MAP3K4: variants seen among roughly 807,000 people sequenced by gnomAD.
The protein encoded by MAP3K4 is mitogen-activated protein kinase kinase kinase 4, also known as MAP three kinase 1.
MAP3K4 carries 67 observed loss-of-function variants against 185.6 expected under a neutral mutation model. The observed-to-expected ratio is 0.36, with a 90% CI of 0.30 to 0.44. The LOEUF (loss-of-function observed/expected upper bound fraction) is 0.44. Ranked by LOEUF, MAP3K4 falls within the 20% of genes least tolerant of loss-of-function variation. The probability of loss-of-function intolerance (pLI) is 1.00; values close to 1 mark genes in which losing one functional copy is unlikely to be tolerated. For missense variants in MAP3K4, 1,551 were observed against 1,995.1 expected (o/e 0.78, Z 4.24); for synonymous variants, 702 against 710.4 (o/e 0.99, Z 0.19).
intron 6 of MAP3K4, among the ~76,000 whole-genome samples, chr6:161,083,225 C>T (rs926549070): frequency 1.3e-5 from 2 of 152,196 alleles, no homozygotes; most frequent in Admixed American, 1.3e-4. Context: ...ATGGAAATTC[C>T]TACCCACAAC....
rs1785908490 is a variant in MAP3K4, at chr6:161,089,347, T to C, written c.2849T>C (p.Met950Thr). Residue 950 changes from methionine (M) to threonine (T), a missense_variant, in exon 11 of 27, where the codon ATG becomes ACG. Around this residue, in one of 16 missense-constraint regions of MAP3K4, gnomAD observed 261 missense variants for 306.5 expected, o/e 0.85. Coordinates refer to ENST00000392142, the MANE Select transcript of MAP3K4 (RefSeq NM_005922.4). ...GTGGATAATCTTTTACTAGTTGTCA[T>C]GCAGTCTGCGCATCTCACAATTCAG... ...MQVDNLLLVV[M>T]QSAHLTIQRK... 1.2e-6 allele frequency: 2 copies of C among 1,614,118 alleles called. No homozygotes were observed. The highest frequency in any genetic ancestry group is 1.7e-6 in the Non-Finnish European group (2 of 1,180,032).
chr6:161,106,644 T>C lies in MAP3K4; in HGVS notation c.3987T>C (p.Asp1329=), dbSNP rs763522135. Residue 1329 remains aspartate, a synonymous_variant, in exon 20 of 27, where the codon GAT becomes GAC. Coordinates refer to ENST00000392142, the MANE Select transcript of MAP3K4 (RefSeq NM_005922.4). This position sits in a 1 kb window ranked among gnomAD's most constrained non-coding sequence, Gnocchi z 4.9. ...GQVCDTPKSY[D]NVMHVGLRKV... ...TTTGTGATACGCCTAAGTCCTATGA[T>C]AATGTTATGCACGTTGGCTTGAGGA... The C allele has an allele frequency of 1.2e-5, 20 of 1,613,800 alleles. No homozygotes were observed.
intron 2 of MAP3K4, among the ~76,000 whole-genome samples, chr6:161,045,317 A>G (rs1262413007): frequency 6.6e-6 from 1 of 152,094 alleles, no homozygotes; most frequent in Non-Finnish European, 1.5e-5. Flanking sequence ...ATATTAAACC[A>G]TTGCTTTATC....
At chr6:161,001,633 C>T (rs964381569) in intron 1 of MAP3K4, among the ~76,000 whole-genome samples, 2 of 152,156 alleles carry the variant, frequency 1.3e-5, no homozygotes, top group Non-Finnish European at 2.9e-5. Context: ...GGCTCGTTGC[C>T]TAACAGCAGG....
intron 1 of MAP3K4, among the ~76,000 whole-genome samples, chr6:161,026,958 T>G (rs911629819): frequency 6.6e-6 from 1 of 152,134 alleles, no homozygotes; most frequent in Non-Finnish European, 1.5e-5. Context: ...TTCGTCTCTT[T>G]ATATATATTT....
chr6:161,002,010 C>A (rs548259259), intron 1 of MAP3K4, among the ~76,000 whole-genome samples: 1 of 147,134 alleles, frequency 6.8e-6, no homozygotes, highest in South Asian at 2.1e-4. Context: ...AGAAACATTT[C>A]CCCCCCAACG....
chr6:161,089,525 G>A, intron 11 of MAP3K4, 54 bp downstream of exon 11: 1 of 1,597,420 alleles, frequency 6.3e-7, no homozygotes, highest in Non-Finnish European at 8.5e-7. Context: ...ATGAAAGTCA[G>A]TGTGTGGTAA....
At position 161,036,189 on chromosome 6, in the gene MAP3K4, A is replaced by T. The variant is rs975013349; in HGVS notation, c.343+1740A>T. Among the ~76,000 whole-genome samples the T allele has an allele frequency of 4.5e-4, 69 of 152,114 alleles. 2 individuals carry two copies. Among genetic ancestry groups the T allele is most frequent in the Non-Finnish European group, 1.5e-5 (1 of 68,024 alleles). On this transcript the variant is annotated intron_variant, in intron 2 of 26. Coordinates refer to ENST00000392142, the MANE Select transcript of MAP3K4 (RefSeq NM_005922.4). ...TGGCCCTTTTCTTCCACAATTTTTA[A>T]AATTGTTTATTTTATGAAATTATAG...
chr6:161,056,023 T>C lies in MAP3K4; in HGVS notation c.1707+6044T>C, dbSNP rs562592557. 6.6e-6 allele frequency among the ~76,000 whole-genome samples: 1 copy of C among 152,352 alleles called. No individual in the cohort carries two copies. The highest frequency in any genetic ancestry group is 2.1e-4 in the South Asian group (1 of 4,828). Reference sequence around the variant, plus strand: ...TCAGTATGGACTCATAAATGTTTGCTGTTGTTTTTACTTTGAATTATAATC... The same window carrying C: ...TCAGTATGGACTCATAAATGTTTGCCGTTGTTTTTACTTTGAATTATAATC... On this transcript the variant is annotated intron_variant, in intron 3 of 26. Coordinates refer to ENST00000392142, the MANE Select transcript of MAP3K4 (RefSeq NM_005922.4). The surrounding 1 kb of genome is among the most constrained non-coding windows in gnomAD (Gnocchi z 5.4).
chr6:161,003,773 CAATT>C (rs1409247731), intron 1 of MAP3K4, among the ~76,000 whole-genome samples: 2 of 152,018 alleles, frequency 1.3e-5, no homozygotes, highest in Non-Finnish European at 2.9e-5. Context: ...AAGAATAAAG[CAATT>C]AATAAGGATA....
chr6:161,045,233 G>A (rs144388135), intron 2 of MAP3K4, among the ~76,000 whole-genome samples: 2 of 151,582 alleles, frequency 1.3e-5, no homozygotes, highest in Non-Finnish European at 2.9e-5. Context: ...GGGTGGGGGG[G>A]AACAAAAAGC....
At position 161,109,643 on chromosome 6, in the gene MAP3K4, C is replaced by T. The variant is rs889880421; in HGVS notation, c.4237-112C>T. ...GCTCAGGATGGCAAGTGTAGTATAC[C>T]GTTAGAAAGAACATTCCTTTGGGGT... is the stretch of plus-strand genomic sequence containing the variant. On this transcript the variant is annotated intron_variant, in intron 22 of 26. Transcript: ENST00000392142. The surrounding 1 kb of genome is among the most constrained non-coding windows in gnomAD (Gnocchi z 5.7). 6.6e-5 allele frequency: 70 copies of T among 1,062,660 alleles called. No homozygotes were observed. Among genetic ancestry groups the T allele is most frequent in the Non-Finnish European group, 9.6e-5 (68 of 709,488 alleles). 65.8% of individuals were successfully genotyped at this position (1,062,660 alleles called of 1,614,324 possible).
chr6:161,020,309 C>G (rs555610347), intron 1 of MAP3K4, among the ~76,000 whole-genome samples: 4 of 152,114 alleles, frequency 2.6e-5, no homozygotes, highest in Non-Finnish European at 5.9e-5. Flanking sequence ...GAGTCTCGCT[C>G]TGTCACCCAG....
At position 161,023,385 on chromosome 6, in the gene MAP3K4, T is replaced by C. The variant is rs547159509; in HGVS notation, c.153-10874T>C. Among the ~76,000 whole-genome samples the C allele has an allele frequency of 2.6e-5, 4 of 152,316 alleles. No homozygotes were observed. The South Asian group carries it at 8.3e-4, about 32-fold the overall frequency. On this transcript the variant is annotated intron_variant, in intron 1 of 26. Transcript: ENST00000392142. ...ATACCACATTATGAAAAACATTGCA[T>C]GTGGTCTTCCATCATGCTAACCTAA... is the stretch of plus-strand genomic sequence containing the variant.
chr6:160,992,012 ACCGCCG>A lies in MAP3K4; in HGVS notation c.90_95del (p.Pro35_Pro36del), dbSNP rs569609736. 1.4e-5 allele frequency: 21 copies of A among 1,539,652 alleles called. No homozygotes were observed. In the East Asian group the frequency reaches 4.5e-4, roughly 33 times the overall value. On this transcript the variant is annotated inframe_deletion, in exon 1 of 27. Transcript: ENST00000392142. ...CCGCCGCCATGGAGGAGCCGCCGCC[ACCGCCG>A]CCGCCGCCACCACCGCCACCGGAAC...
chr6:161,107,966 A>G lies in MAP3K4; in HGVS notation c.4116A>G (p.Lys1372=), dbSNP rs760756307. The change falls in exon 21 of 27, where the codon AAA becomes AAG. Residue 1372 remains lysine, a synonymous_variant. Transcript: ENST00000392142. The surrounding 1 kb of genome is among the most constrained non-coding windows in gnomAD (Gnocchi z 6.2). ...ACACCGGGGAGCTGATGGCCATGAA[A>G]GAGGTGAGTCACCTGGCTCCGTGGG... ...SVDTGELMAM[K]EIRFQPNDHK... 3.7e-6 allele frequency: 6 copies of G among 1,613,820 alleles called. No homozygotes were observed. The South Asian group carries it at 5.5e-5, about 15-fold the overall frequency.
chr6:161,094,847 G>T (rs1777499040), intron 15 of MAP3K4, among the ~76,000 whole-genome samples: 2 of 152,124 alleles, frequency 1.3e-5, no homozygotes, highest in Admixed American at 6.5e-5. Context: ...GAATAATTTT[G>T]ATTTTCTGAT....
chr6:161,000,915 A>G (rs887146026), intron 1 of MAP3K4, among the ~76,000 whole-genome samples: 1 of 148,006 alleles, frequency 6.8e-6, no homozygotes, highest in African/African-American at 2.5e-5. Flanking sequence ...ACACACATAT[A>G]TAGTGTATAA....
intron 3 of MAP3K4, among the ~76,000 whole-genome samples, chr6:161,055,729 C>T (rs539899602): frequency 6.6e-6 from 1 of 152,310 alleles, no homozygotes; most frequent in South Asian, 2.1e-4. Flanking sequence ...ATGGATGCCA[C>T]AGAGTTGAAA....
Sources: allele counts gnomAD v4.1 joint callset (sites outside exome capture counted in the v4.1 genomes callset), GRCh38; gene constraint gnomAD v4.1.1; regional missense constraint gnomAD v4.1.1; non-coding constraint Gnocchi (gnomAD v3.1); transcripts MANE v1.5; gene names NCBI Gene and HGNC (gene_info 2026-07-23, HGNC 2026-07-21).